Variants in PDZRN4 observed in about 807,000 individuals in gnomAD.
The protein encoded by PDZRN4 is PDZ domain-containing RING finger protein 4.
In PDZRN4, 70 loss-of-function variants were observed where a neutral mutation model predicts 99.0. That is an observed-to-expected ratio of 0.71 (90% CI 0.58 to 0.86). The LOEUF is 0.86. Ranked by LOEUF, PDZRN4 falls within the 40% of genes least tolerant of loss-of-function variation. The pLI is 0.00. For missense variants in PDZRN4, 1,474 were observed against 1,331.2 expected, an observed-to-expected ratio of 1.11 and a Z score of -1.67; for synonymous variants, 551 against 501.6, an observed-to-expected ratio of 1.10 and a Z score of -1.32.
chr12:41,342,342 A>T (rs1951824584), intron 3 of PDZRN4, among the ~76,000 whole-genome samples: 1 of 151,908 alleles, frequency 6.6e-6, no homozygotes. Context: ...AAGCAAAAAT[A>T]GGCGTATGGG....
chr12:41,399,701 A>C (rs1592043862), intron 3 of PDZRN4, among the ~76,000 whole-genome samples: 1 of 151,132 alleles, frequency 6.6e-6, no homozygotes. Flanking sequence ...GTGCCATTGC[A>C]CTCCAGCCTG....
chr12:41,381,743 A>G (rs1952128291), intron 3 of PDZRN4, among the ~76,000 whole-genome samples: 2 of 152,034 alleles, frequency 1.3e-5, no homozygotes, highest in South Asian at 4.1e-4. Flanking sequence ...CCATTTCTTT[A>G]GGGTCAGTTA....
At position 41,188,416 on chromosome 12, in the gene PDZRN4, G is replaced by T. The variant is rs761740799; in HGVS notation, c.-40G>T. The stretch of plus-strand genomic sequence containing the variant: ...GAAGGCAGGGGGGCTCGGAGAAGAC[G>T]GACTCTGCTTTCGCTCCCCCTTTCT... On this transcript the variant is annotated 5_prime_UTR_variant, in exon 1 of 10. Coordinates refer to ENST00000402685, the MANE Select transcript of PDZRN4 (RefSeq NM_001164595.2). The T allele has an allele frequency of 4.0e-6, 6 of 1,497,148 alleles. No homozygotes were observed. In the South Asian group the frequency reaches 6.5e-5, roughly 16 times the overall value. The allele number at this position is 1,497,148 out of a possible 1,614,324, so 92.7% of individuals were successfully genotyped here. A position where few individuals can be genotyped will look rare whatever the true frequency, so the allele number is the denominator to read the frequency against.
chr12:41,280,795 A>T (rs989117673), intron 3 of PDZRN4, among the ~76,000 whole-genome samples: 4 of 152,100 alleles, frequency 2.6e-5, no homozygotes, highest in Admixed American at 2.6e-4. Flanking sequence ...GCTTCAGCAG[A>T]CTTAAACGTT....
At chr12:41,350,030 G>C (rs1330931577) in intron 3 of PDZRN4, among the ~76,000 whole-genome samples, 1 of 152,020 alleles carries the variant, frequency 6.6e-6, no homozygotes, top group Non-Finnish European at 1.5e-5. Flanking sequence ...GTAGAAAGTT[G>C]TTGATAAGGC....
chr12:41,317,119 G>T (rs1951644568), intron 3 of PDZRN4, among the ~76,000 whole-genome samples: 1 of 137,622 alleles, frequency 7.3e-6, no homozygotes, highest in Non-Finnish European at 1.6e-5. Flanking sequence ...TGGTATACAA[G>T]TATGTATATT....
chr12:41,330,202 A>G (rs1220374305), intron 3 of PDZRN4, among the ~76,000 whole-genome samples: 2 of 152,112 alleles, frequency 1.3e-5, no homozygotes, highest in African/African-American at 2.4e-5. Flanking sequence ...AGTATTTCTG[A>G]TAAAATCTGA....
intron 3 of PDZRN4, chr12:41,459,996 G>A (rs1952855465): frequency 7.8e-7 from 1 of 1,288,044 alleles, no homozygotes; most frequent in Admixed American, 2.3e-5. Context: ...TTGAGAAATT[G>A]CCAGTGTTCC....
At chr12:41,204,113 A>G (rs992477756) in intron 3 of PDZRN4, among the ~76,000 whole-genome samples, 5 of 151,982 alleles carry the variant, frequency 3.3e-5, no homozygotes, top group Non-Finnish European at 7.4e-5. Context: ...TCACTTTCCA[A>G]CAGTATGCTC....
chr12:41,336,085 C>A (rs1253282836), intron 3 of PDZRN4, among the ~76,000 whole-genome samples: 2 of 152,092 alleles, frequency 1.3e-5, no homozygotes, highest in Non-Finnish European at 2.9e-5. Context: ...TAACAATTCT[C>A]ATTCAAAAGT....
intron 3 of PDZRN4, among the ~76,000 whole-genome samples, chr12:41,243,661 T>C (rs1250100241): frequency 6.6e-6 from 1 of 152,310 alleles, no homozygotes; most frequent in East Asian, 1.9e-4. Context: ...AATAAAATTA[T>C]CTTTCATACT....
intron 3 of PDZRN4, among the ~76,000 whole-genome samples, chr12:41,351,147 A>T (rs2121039331): frequency 6.6e-6 from 1 of 152,262 alleles, no homozygotes; most frequent in African/African-American, 2.4e-5. Context: ...ACAGAAATCT[A>T]GCATGAAGAC....
chr12:41,565,562 GC>G (rs1939354601), intron 8 of PDZRN4, among the ~76,000 whole-genome samples: 1 of 151,290 alleles, frequency 6.6e-6, no homozygotes, highest in African/African-American at 2.4e-5. Flanking sequence ...GAATGTGGAA[GC>G]TTTTGTGTGC....
At chr12:41,379,388 AT>A (rs527402215) in intron 3 of PDZRN4, among the ~76,000 whole-genome samples, 3,106 of 144,642 alleles carry the variant, frequency 0.021, 50 homozygotes, top group Middle Eastern at 0.065. Context: ...ATAATACTTT[AT>A]TTTTTTTTAT....
intron 5 of PDZRN4, among the ~76,000 whole-genome samples, chr12:41,522,076 A>G (rs1221442470): frequency 1.3e-5 from 2 of 152,084 alleles, no homozygotes; most frequent in Non-Finnish European, 2.9e-5. Context: ...TGACTTGTAC[A>G]TGGCTATCTG....
intron 5 of PDZRN4, among the ~76,000 whole-genome samples, chr12:41,543,262 G>A (rs1476102432): frequency 2.0e-5 from 3 of 152,124 alleles, no homozygotes; most frequent in Non-Finnish European, 4.4e-5. Context: ...TATAGACAAT[G>A]ATCTCTTAAA....
chr12:41,415,874 T>C (rs1952440801), intron 3 of PDZRN4, among the ~76,000 whole-genome samples: 1 of 152,192 alleles, frequency 6.6e-6, no homozygotes, highest in Non-Finnish European at 1.5e-5. Flanking sequence ...TGAAATAGAA[T>C]TATTCTAAGT....
chr12:41,350,143 G>A (rs1951880330), intron 3 of PDZRN4, among the ~76,000 whole-genome samples: 2 of 151,968 alleles, frequency 1.3e-5, no homozygotes, highest in Non-Finnish European at 2.9e-5. Flanking sequence ...TCTCCTATGT[G>A]ACAGGTACTG....
intron 3 of PDZRN4, among the ~76,000 whole-genome samples, chr12:41,301,607 T>C (rs1222310747): frequency 6.6e-6 from 1 of 152,096 alleles, no homozygotes; most frequent in East Asian, 1.9e-4. Flanking sequence ...CAGTTAATCA[T>C]ACTACATATT....
Sources: gnomAD v4.1 joint callset for allele counts (sites outside exome capture counted in the v4.1 genomes callset) on GRCh38, gnomAD v4.1.1 for gene constraint, MANE v1.5 for transcripts, NCBI Gene and HGNC (gene_info 2026-07-23, HGNC 2026-07-21) for gene names.